Variants in TANGO6 observed in about 807,000 individuals in gnomAD.
TANGO6 encodes transport and Golgi organization protein 6 homolog.
A neutral mutation model predicts 114.2 loss-of-function variants in TANGO6; 90 were observed. The ratio of observed to expected loss-of-function variants is 0.79; its 90% CI spans 0.66 to 0.94. The LOEUF is 0.94. Among genes scored for constraint, TANGO6 ranks in the 40% least tolerant of loss-of-function variants. TANGO6 has a pLI of 0.00. For synonymous variants in TANGO6, 477 were observed against 509.8 expected (o/e 0.94, Z 0.87); for missense variants, 1,274 against 1,315.3 (o/e 0.97, Z 0.49).
intron 15 of TANGO6, among the ~76,000 whole-genome samples, chr16:68,989,552 T>C (rs115927319): frequency 0.017 from 2,646 of 152,336 alleles, 89 homozygotes; most frequent in African/African-American, 0.06. Context: ...ATAGTTATAA[T>C]AGCTGCTTTA....
At chr16:69,007,656 A>AAGTTTTTT (rs570944819) in intron 15 of TANGO6, among the ~76,000 whole-genome samples, 11 of 152,180 alleles carry the variant, frequency 7.2e-5, no homozygotes, top group Non-Finnish European at 1.3e-4. Context: ...ATTTGTGTAC[A>AAGTTTTTT]AGTTTTTATG....
intron 7 of TANGO6, among the ~76,000 whole-genome samples, chr16:68,882,423 G>C (rs774677881): frequency 6.6e-6 from 1 of 151,866 alleles, no homozygotes; most frequent in Non-Finnish European, 1.5e-5. Flanking sequence ...CGTGAACCTG[G>C]AAGGCAGAGC....
At chr16:69,069,571 C>T (rs546961625) in intron 17 of TANGO6, among the ~76,000 whole-genome samples, 1 of 152,250 alleles carries the variant, frequency 6.6e-6, no homozygotes, top group Admixed American at 6.5e-5. Context: ...CTCCAGCCAC[C>T]AGCTCCAGTT....
chr16:68,903,091 A>T (rs923391955), intron 9 of TANGO6, among the ~76,000 whole-genome samples: 13 of 152,238 alleles, frequency 8.5e-5, no homozygotes, highest in Non-Finnish European at 1.5e-4. Flanking sequence ...TGTTGGTCAT[A>T]GTCCATGTAA....
chr16:68,902,987 G>A (rs1032163130), intron 9 of TANGO6, among the ~76,000 whole-genome samples: 1 of 152,108 alleles, frequency 6.6e-6, no homozygotes, highest in Admixed American at 6.6e-5. Flanking sequence ...TAGTGGAATG[G>A]ATCATTTATT....
In TANGO6 at chr16:68,902,324, C is replaced by A; in HGVS notation, c.1491-4C>A. Reference sequence around the variant, plus strand: ...AGCTCATTCATAACTGCTTTTTCTGCCAGGTCACTTTGCCAAGAAATCTTA... The same window carrying A: ...AGCTCATTCATAACTGCTTTTTCTGACAGGTCACTTTGCCAAGAAATCTTA... On this transcript the variant is annotated splice_polypyrimidine_tract_variant and splice_region_variant and intron_variant, in intron 8 of 17. Coordinates refer to ENST00000261778, the MANE Select transcript of TANGO6 (RefSeq NM_024562.2). 1 of 1,604,818 alleles carries A rather than the reference C, an allele frequency of 6.2e-7. No homozygotes were observed. Among genetic ancestry groups the A allele is most frequent in the Non-Finnish European group, 8.5e-7 (1 of 1,176,288 alleles).
intron 2 of TANGO6, 149 bp from the exon 3 acceptor site, chr16:68,862,796 A>T: frequency 1.5e-6 from 1 of 668,836 alleles, no homozygotes; most frequent in South Asian, 1.6e-5. Flanking sequence ...TTAATAGTAC[A>T]GCTTCCCCCA....
chr16:68,982,455 G>A (rs1963845762), intron 15 of TANGO6, among the ~76,000 whole-genome samples: 1 of 151,832 alleles, frequency 6.6e-6, no homozygotes, highest in Non-Finnish European at 1.5e-5. Flanking sequence ...TCAGTCTCCT[G>A]AGTAGCTGGG....
chr16:68,865,232 C>T (rs145900939), intron 3 of TANGO6, among the ~76,000 whole-genome samples: 3,256 of 149,472 alleles, frequency 0.022, 123 homozygotes, highest in African/African-American at 0.077. Flanking sequence ...GCCCAGATCG[C>T]GCCACTGCAC....
intron 17 of TANGO6, among the ~76,000 whole-genome samples, chr16:69,059,171 T>C (rs1433900029): frequency 6.7e-6 from 1 of 150,120 alleles, no homozygotes; most frequent in African/African-American, 2.5e-5. Context: ...GCCTCCCGGG[T>C]TCAAGCAATT....
At chr16:68,899,843 C>T (rs778156139) in intron 7 of TANGO6, among the ~76,000 whole-genome samples, 1 of 152,078 alleles carries the variant, frequency 6.6e-6, no homozygotes, top group Non-Finnish European at 1.5e-5. Context: ...AAACAATCCT[C>T]CCTCCATGAC....
intron 17 of TANGO6, among the ~76,000 whole-genome samples, chr16:69,048,074 T>G (rs1222615936): frequency 6.7e-6 from 1 of 149,914 alleles, no homozygotes; most frequent in Non-Finnish European, 1.5e-5. Flanking sequence ...AGTTTGGGAG[T>G]TTTTTTTTCT....
intron 15 of TANGO6, among the ~76,000 whole-genome samples, chr16:68,975,260 G>A (rs1170438856): frequency 6.6e-6 from 1 of 152,208 alleles, no homozygotes; most frequent in Non-Finnish European, 1.5e-5. Flanking sequence ...CAGCTGGTAA[G>A]TGATAGTGCT....
chr16:69,074,798 C>CTGTG (rs60702668), intron 17 of TANGO6, among the ~76,000 whole-genome samples: 28,279 of 134,954 alleles, frequency 0.21, 3,152 homozygotes, highest in East Asian at 0.34. Flanking sequence ...GTTCGAATGC[C>CTGTG]TGTGTGTGTG....
At chr16:69,062,703 C>T (rs937548468) in intron 17 of TANGO6, among the ~76,000 whole-genome samples, 1 of 150,480 alleles carries the variant, frequency 6.6e-6, no homozygotes, top group African/African-American at 2.4e-5. Flanking sequence ...GAACCACTGA[C>T]CTCGCGTGAT....
At chr16:68,872,170 G>C (rs1051841349) in intron 4 of TANGO6, among the ~76,000 whole-genome samples, 1 of 151,388 alleles carries the variant, frequency 6.6e-6, no homozygotes, top group Non-Finnish European at 1.5e-5. Context: ...TCAGTGAGCC[G>C]AGATCTCGCC....
chr16:69,067,044 G>A (rs908720836), intron 17 of TANGO6, among the ~76,000 whole-genome samples: 2 of 152,140 alleles, frequency 1.3e-5, no homozygotes, highest in African/African-American at 2.4e-5. Flanking sequence ...CCACAAATGC[G>A]TGACACCATG....
chr16:69,023,907 A>T (rs745632755), intron 16 of TANGO6, among the ~76,000 whole-genome samples: 15 of 151,964 alleles, frequency 9.9e-5, no homozygotes, highest in African/African-American at 3.6e-4. Flanking sequence ...GTTTTTTATT[A>T]TTATTATTAT....
chr16:69,032,830 C>G (rs1959618779), intron 16 of TANGO6, among the ~76,000 whole-genome samples: 1 of 149,556 alleles, frequency 6.7e-6, no homozygotes, highest in Non-Finnish European at 1.5e-5. Context: ...GGGCCAAGAT[C>G]ACACCACTGT....
Sources: allele counts gnomAD v4.1 joint callset (sites outside exome capture counted in the v4.1 genomes callset), GRCh38; gene constraint gnomAD v4.1.1; transcripts MANE v1.5; gene names NCBI Gene and HGNC (gene_info 2026-07-23, HGNC 2026-07-21).